CEP76: variants seen among roughly 807,000 people sequenced by gnomAD.
The protein encoded by CEP76 is centrosomal protein of 76 kDa.
Under a neutral mutation model 83.3 loss-of-function variants are expected in CEP76, and 55 were observed. The ratio of observed to expected loss-of-function variants is 0.66; its 90% confidence interval spans 0.53 to 0.83. The LOEUF (loss-of-function observed/expected upper bound fraction) is 0.83, where lower values mean the gene tolerates loss of function less well. CEP76 is among the 40% of genes least tolerant of loss of function. The pLI is 0.00. For missense variants in CEP76, 694 were observed against 799.5 expected, an observed-to-expected ratio of 0.87 and a Z score of 1.59; for synonymous variants, 270 against 274.5, an observed-to-expected ratio of 0.98 and a Z score of 0.16.
At chr18:12,666,634 G>A (rs2038809726) in intron 12 of CEP76, among the ~76,000 whole-genome samples, 1 of 151,150 alleles carries the variant, frequency 6.6e-6, no homozygotes, top group Non-Finnish European at 1.5e-5. Flanking sequence ...ATTTTTGGTA[G>A]AGACAGGGTT....
At chr18:12,702,196 TC>T in intron 1 of CEP76, among the ~76,000 whole-genome samples, 1 of 152,286 alleles carries the variant, frequency 6.6e-6, no homozygotes, top group East Asian at 1.9e-4. Flanking sequence ...CGATCCGACT[TC>T]CAGAAGTCGC....
chr18:12,674,093 G>T (rs756744419), intron 11 of CEP76, among the ~76,000 whole-genome samples: 19 of 151,862 alleles, frequency 1.3e-4, no homozygotes, highest in Non-Finnish European at 1.9e-4. Context: ...TGGCAAGGAG[G>T]GTCAGTCATT....
intron 12 of CEP76, among the ~76,000 whole-genome samples, chr18:12,662,987 T>C (rs2054779813): frequency 2.0e-5 from 3 of 152,166 alleles, no homozygotes. Flanking sequence ...TAAGTGTAAT[T>C]ATTAGCTTCA....
At chr18:12,684,007 A>T (rs975487527) in intron 8 of CEP76, among the ~76,000 whole-genome samples, 1 of 150,222 alleles carries the variant, frequency 6.7e-6, no homozygotes, top group Non-Finnish European at 1.5e-5. Context: ...GATATATATC[A>T]TATATATGAT....
In CEP76 at chr18:12,680,733, T is replaced by C. The variant is rs764891261; in HGVS notation, c.1218A>G (p.Val406=). The C allele has an allele frequency of 1.7e-5, 28 of 1,613,398 alleles. No homozygotes were observed. The South Asian group carries it at 3.1e-4, about 18-fold the overall frequency. ...CACAAGTCATAACCCATGCATGAGG[T>C]ACTCCTTTTGCCTTGGTCCCAACAC... The part of the protein sequence containing the change: ...FVCVGTKAKG[V]PHAWVMTCGT... The change falls in exon 9 of 12, where the codon GTA becomes GTG. Residue 406 remains valine, a synonymous_variant. Coordinates refer to ENST00000262127, the MANE Select transcript of CEP76 (RefSeq NM_024899.4).
chr18:12,678,219 T>G lies in CEP76; in HGVS notation c.1513A>C (p.Thr505Pro), dbSNP rs1013817335. The G allele has an allele frequency of 6.2e-7, 1 of 1,614,174 alleles. No homozygotes were observed. The highest frequency in any genetic ancestry group is 1.1e-5 in the South Asian group (1 of 91,088). ...AIKSVCAPGA[T>P]TSLPPFPPLC... The stretch of plus-strand genomic sequence containing the variant: ...GGTGGAAAGGGAGGAAGGGATGTTG[T>G]AGCTCCAGGAGCACACACAGATTTA... The change falls in exon 10 of 12, where the codon ACA becomes CCA. Residue 505 changes from threonine to proline, a missense_variant. Transcript: ENST00000262127.
chr18:12,674,693 C>T lies in CEP76; in HGVS notation c.1684G>A (p.Ala562Thr). ...QLSYLLSPAL[A>T]SYEFERTTSI... ...GTTGTACGCTCAAATTCATAAGAAG[C>T]CAAAGCTGGTGATAAAAGGTAGGAG... The change falls in exon 11 of 12, where the codon GCT becomes ACT. Residue 562 changes from alanine to threonine, a missense_variant. Coordinates refer to ENST00000262127, the MANE Select transcript of CEP76 (RefSeq NM_024899.4). 6.2e-7 allele frequency: 1 copy of T among 1,614,012 alleles called. No individual in the cohort carries two copies. The highest frequency in any genetic ancestry group is 1.7e-5 in the Admixed American group (1 of 60,002).
At chr18:12,684,311 T>G (rs2039461476) in intron 8 of CEP76, 1 of 151,784 alleles carries the variant, frequency 6.6e-6, no homozygotes, top group Admixed American at 6.6e-5. Flanking sequence ...AGAGGGATTT[T>G]GCCATGTTGC....
At position 12,698,998 on chromosome 18, in the gene CEP76, T is replaced by C. The variant is rs768445046; in HGVS notation, c.501A>G (p.Glu167=). Reference sequence around the variant, plus strand: ...TCTTACCCAAGCTTTCTCTGTGTACTTCAAGTAAAAAGCCATCATGAAAAT... The same window carrying C: ...TCTTACCCAAGCTTTCTCTGTGTACCTCAAGTAAAAAGCCATCATGAAAAT... The part of the protein sequence containing the change: ...EPDFHDGFLL[E]VHRESLGDGT... The change falls in exon 4 of 12, where the codon GAA becomes GAG. Residue 167 remains glutamate, a synonymous_variant. Transcript: ENST00000262127. 6 of 1,612,636 alleles carry C rather than the reference T, an allele frequency of 3.7e-6. No individual in the cohort carries two copies. In the Admixed American group the frequency reaches 1.0e-4, roughly 27 times the overall value.
intron 2 of CEP76, 123 bp from the exon 3 acceptor site, chr18:12,700,028 C>A: frequency 2.1e-6 from 1 of 481,040 alleles, no homozygotes; most frequent in South Asian, 5.3e-5. Context: ...TCAAAGAACC[C>A]CTTATTTTCC....
chr18:12,688,953 A>G (rs2039647831), intron 7 of CEP76, among the ~76,000 whole-genome samples: 2 of 151,984 alleles, frequency 1.3e-5, no homozygotes, highest in African/African-American at 2.4e-5. Context: ...TCTCTACTAA[A>G]AACACAAAAA....
intron 8 of CEP76, among the ~76,000 whole-genome samples, chr18:12,682,230 T>A (rs2039376765): frequency 6.6e-6 from 1 of 150,824 alleles, no homozygotes; most frequent in Non-Finnish European, 1.5e-5. Flanking sequence ...AGTGGCATGA[T>A]CTCAGCTCAA....
intron 1 of CEP76, among the ~76,000 whole-genome samples, chr18:12,701,481 G>A (rs2040147662): frequency 6.6e-6 from 1 of 152,108 alleles, no homozygotes; most frequent in Non-Finnish European, 1.5e-5. Flanking sequence ...CAACTTAGTA[G>A]ATGTGTAACC....
intron 6 of CEP76, among the ~76,000 whole-genome samples, chr18:12,694,268 G>C (rs1175013091): frequency 6.6e-6 from 1 of 152,158 alleles, no homozygotes; most frequent in Non-Finnish European, 1.5e-5. Flanking sequence ...TTTGCCTGAG[G>C]GAGAAGCACT....
Position 12,695,243 on chromosome 18 carries a change from T to C in CEP76, c.804+11A>G, listed in dbSNP as rs141231028. ...AAACACACAAAAAAAGAGAAACTCA[T>C]AAGTATTTACCTGTGTGTTCACTAC... On this transcript the variant is annotated intron_variant, in intron 6 of 11. Coordinates refer to ENST00000262127, the MANE Select transcript of CEP76 (RefSeq NM_024899.4). 6.7e-5 allele frequency: 83 copies of C among 1,242,878 alleles called. 1 individual carries two copies. In the African/African-American group the frequency reaches 9.3e-4, roughly 14 times the overall value. The allele number at this position is 1,242,878 out of a possible 1,614,324, so 77.0% of individuals were successfully genotyped here. A position where few individuals can be genotyped will look rare whatever the true frequency, so the allele number is the denominator to read the frequency against.
At chr18:12,697,087 T>C in intron 5 of CEP76, 136 bp downstream of exon 5, 1 of 588,388 alleles carries the variant, frequency 1.7e-6, no homozygotes, top group South Asian at 2.8e-5. Flanking sequence ...GATGCTGAGG[T>C]CCAATTGTAA....
rs142751556 is a variant in CEP76, at chr18:12,692,477, A to G, written c.805-990T>C. On this transcript the variant is annotated intron_variant, in intron 6 of 11. Coordinates refer to ENST00000262127, the MANE Select transcript of CEP76 (RefSeq NM_024899.4). ...AGCCACACAGGGCTTTCGGTCCTCC[A>G]TAGGGGCTTTTGTTCTAGGCTGTTC... Among the ~76,000 whole-genome samples the G allele has an allele frequency of 9.4e-3, 1,424 of 152,188 alleles. 29 individuals are homozygous for G. The highest frequency in any genetic ancestry group is 0.032 in the African/African-American group (1,312 of 41,514).
At chr18:12,691,104 CAAT>C (rs2039742545) in intron 7 of CEP76, 2 of 333,554 alleles carry the variant, frequency 6.0e-6, no homozygotes, top group Non-Finnish European at 1.1e-5. Context: ...GTTTAAAACA[CAAT>C]AATTGATTCA....
downstream of CEP76, among the ~76,000 whole-genome samples, chr18:12,669,276 C>T (rs2038880326): frequency 2.0e-5 from 3 of 151,850 alleles, no homozygotes; most frequent in Admixed American, 6.6e-5. Context: ...CCATGCCCAG[C>T]TAATTTTGTA....
Sources: allele counts gnomAD v4.1 joint callset (sites outside exome capture counted in the v4.1 genomes callset), GRCh38; gene constraint gnomAD v4.1.1; transcripts MANE v1.5; gene names NCBI Gene and HGNC (gene_info 2026-07-23, HGNC 2026-07-21).